Variants in PKIB observed in about 807,000 individuals in gnomAD.
PKIB encodes the protein PKI-beta.
A neutral mutation model predicts 4.5 loss-of-function variants in PKIB; 2 were observed. The ratio of observed to expected loss-of-function variants is 0.44; its 90% CI spans 0.18 to 1.39. PKIB has a LOEUF of 1.39. Ranked by LOEUF, PKIB falls within the 40% of genes most tolerant of loss-of-function variation. The probability of loss-of-function intolerance (pLI) is 0.27; values close to 1 mark genes in which losing one functional copy is unlikely to be tolerated. For missense variants in PKIB, 94 were observed against 92.6 expected (o/e 1.02, Z -0.06); for synonymous variants, 38 against 36.0 (o/e 1.06, Z -0.20).
chr6:122,635,802 T>C (rs1250518611), intron 2 of PKIB, among the ~76,000 whole-genome samples: 1 of 152,006 alleles, frequency 6.6e-6, no homozygotes, highest in Non-Finnish European at 1.5e-5. Flanking sequence ...ATATTACTTT[T>C]AAGAAACCAC....
At chr6:122,532,601 A>G (rs1478479840) in intron 2 of PKIB, among the ~76,000 whole-genome samples, 1 of 152,142 alleles carries the variant, frequency 6.6e-6, no homozygotes, top group Non-Finnish European at 1.5e-5. Flanking sequence ...TATATATCCC[A>G]TATAGATGGA....
intron 3 of PKIB, among the ~76,000 whole-genome samples, chr6:122,700,651 C>T (rs990405585): frequency 1.3e-5 from 2 of 152,216 alleles, no homozygotes; most frequent in African/African-American, 2.4e-5. Flanking sequence ...CCGTTTCTGT[C>T]GTGTGGACTT....
intron 2 of PKIB, among the ~76,000 whole-genome samples, chr6:122,493,769 G>T (rs1221967673): frequency 6.6e-6 from 1 of 151,944 alleles, no homozygotes; most frequent in Non-Finnish European, 1.5e-5. Flanking sequence ...CATGAGGGGT[G>T]GTCTAGCTAG....
intron 2 of PKIB, among the ~76,000 whole-genome samples, chr6:122,519,047 T>A (rs1297008122): frequency 2.0e-5 from 3 of 151,994 alleles, no homozygotes; most frequent in African/African-American, 7.3e-5. Flanking sequence ...TTGGGGGAGA[T>A]AAGATGTTTT....
intron 3 of PKIB, among the ~76,000 whole-genome samples, chr6:122,696,106 C>T (rs547907700): frequency 5.3e-5 from 8 of 152,240 alleles, no homozygotes; most frequent in Middle Eastern, 3.4e-3. Flanking sequence ...CTAGAACAAA[C>T]GATCACTTAA....
At chr6:122,539,685 G>A (rs1484267654) in intron 2 of PKIB, among the ~76,000 whole-genome samples, 1 of 152,000 alleles carries the variant, frequency 6.6e-6, no homozygotes, top group African/African-American at 2.4e-5. Context: ...TGAGGATGAT[G>A]CTGGCCTCAT....
intron 3 of PKIB, among the ~76,000 whole-genome samples, chr6:122,713,091 T>C (rs1779337434): frequency 6.6e-6 from 1 of 152,108 alleles, no homozygotes; most frequent in African/African-American, 2.4e-5. Flanking sequence ...TATATACATA[T>C]ATAAATATAT....
chr6:122,501,929 C>CT (rs59519477), intron 2 of PKIB, among the ~76,000 whole-genome samples: 3,856 of 124,538 alleles, frequency 0.031, 64 homozygotes, highest in Non-Finnish European at 0.035. Flanking sequence ...AGCCAGGCCA[C>CT]TTTTTTTTTT....
chr6:122,671,104 C>T (rs904704701), intron 2 of PKIB, among the ~76,000 whole-genome samples: 22 of 152,046 alleles, frequency 1.4e-4, no homozygotes, highest in African/African-American at 4.3e-4. Context: ...CCATCCTGGC[C>T]AACATGGTGA....
chr6:122,710,861 T>C (rs1779247167), intron 3 of PKIB, among the ~76,000 whole-genome samples: 2 of 152,086 alleles, frequency 1.3e-5, no homozygotes, highest in Non-Finnish European at 2.9e-5. Flanking sequence ...CCAACAATAT[T>C]TGAGTCACTG....
At chr6:122,531,400 T>G (rs1037788535) in intron 2 of PKIB, 6 of 152,188 alleles carry the variant, frequency 3.9e-5, no homozygotes, top group Non-Finnish European at 5.9e-5. Context: ...ATTTCATCAT[T>G]GTAGTTACCT....
At chr6:122,694,566 T>C (rs1011537882) in intron 3 of PKIB, among the ~76,000 whole-genome samples, 5 of 152,208 alleles carry the variant, frequency 3.3e-5, no homozygotes. Context: ...TTTCTTCTCC[T>C]TTCCACAATT....
rs1324505248 is a variant in PKIB at position 122,541,639 on chromosome 6, G to A, written c.-247-44282G>A. ...CATTTTTTCCTTCATTTCAACTTTG[G>A]TGAATCTGACAATTATGTGTCTTGG... On this transcript the variant is annotated intron_variant, in intron 2 of 6. Transcript: ENST00000392491. 1.6e-4 allele frequency among the ~76,000 whole-genome samples: 25 copies of A among 151,822 alleles called. No homozygotes were observed. In the East Asian group the frequency reaches 4.2e-3, roughly 26 times the overall value.
chr6:122,611,315 C>G (rs1195504322), intron 1 of PKIB, among the ~76,000 whole-genome samples: 1 of 152,178 alleles, frequency 6.6e-6, no homozygotes, highest in African/African-American at 2.4e-5. Flanking sequence ...TCAGACCGGT[C>G]TTCGTAGAGC....
At chr6:122,687,782 T>C (rs7739530) in intron 3 of PKIB, among the ~76,000 whole-genome samples, 38,721 of 152,034 alleles carry the variant, frequency 0.25, 5,514 homozygotes, top group East Asian at 0.55. Context: ...TAAAGAAATG[T>C]TACTGATTTT....
intron 2 of PKIB, among the ~76,000 whole-genome samples, chr6:122,566,139 CTT>C (rs1374535815): frequency 6.6e-6 from 1 of 151,774 alleles, no homozygotes; most frequent in East Asian, 1.9e-4. Context: ...GGGTGTTGGA[CTT>C]TTAGTAGACA....
chr6:122,516,043 A>G (rs184962656), intron 2 of PKIB, among the ~76,000 whole-genome samples: 1 of 152,292 alleles, frequency 6.6e-6, no homozygotes, highest in East Asian at 1.9e-4. Context: ...TTCCTGGCTC[A>G]TATTTGAAGT....
intron 2 of PKIB, among the ~76,000 whole-genome samples, chr6:122,569,028 T>G (rs1165217216): frequency 6.6e-6 from 1 of 152,094 alleles, no homozygotes; most frequent in East Asian, 1.9e-4. Flanking sequence ...CAAACTCTTC[T>G]GTGCACCAAA....
At chr6:122,662,691 GC>G (rs1226625159) in intron 2 of PKIB, among the ~76,000 whole-genome samples, 3 of 152,102 alleles carry the variant, frequency 2.0e-5, no homozygotes, top group Non-Finnish European at 2.9e-5. Context: ...TGCAACTTAA[GC>G]TAACACTGAA....
Sources: allele counts gnomAD v4.1 joint callset (sites outside exome capture counted in the v4.1 genomes callset), GRCh38; gene constraint gnomAD v4.1.1; transcripts MANE v1.5; gene names NCBI Gene and HGNC (gene_info 2026-07-23, HGNC 2026-07-21).